STK40: variants seen among roughly 807,000 people sequenced by gnomAD.
STK40 encodes serine/threonine-protein kinase 40.
In STK40, 13 loss-of-function variants were observed where a neutral mutation model predicts 47.9. The observed-to-expected ratio is 0.27, with a 90% confidence interval of 0.18 to 0.43. The LOEUF (loss-of-function observed/expected upper bound fraction) is 0.43, where lower values mean the gene tolerates loss of function less well. STK40 is among the 20% of genes least tolerant of loss of function. The probability of loss-of-function intolerance (pLI) is 1.00; values close to 1 mark genes in which losing one functional copy is unlikely to be tolerated. For synonymous variants in STK40, 225 were observed against 243.2 expected, an observed-to-expected ratio of 0.93 and a Z score of 0.69; for missense variants, 460 against 595.1, an observed-to-expected ratio of 0.77 and a Z score of 2.36.
At position 36,358,843 on chromosome 1, in the gene STK40, G is replaced by A. The variant is rs570110053; in HGVS notation, c.113-21C>T. 5 of 1,613,916 alleles carry A rather than the reference G, an allele frequency of 3.1e-6. No homozygotes were observed. In the South Asian group the frequency reaches 4.4e-5, roughly 14 times the overall value. ...GGGACCTACGGCACAGAGAGCTGCT[G>A]GTCTACTTTTCAGAAGCCCTGGCTG... On this transcript the variant is annotated intron_variant, in intron 2 of 10. Transcript: ENST00000373132.
chr1:36,373,150 T>G (rs1356621659), intron 1 of STK40, among the ~76,000 whole-genome samples: 2 of 152,274 alleles, frequency 1.3e-5, no homozygotes, highest in Admixed American at 1.3e-4. Flanking sequence ...CTCAGTTTCC[T>G]CATCTGTAAA....
At chr1:36,372,840 T>A (rs969002112) in intron 1 of STK40, 1 of 152,088 alleles carries the variant, frequency 6.6e-6, no homozygotes, top group Admixed American at 6.6e-5. Flanking sequence ...ACAGGCAGCA[T>A]CCCCCACCCT....
At position 36,343,861 on chromosome 1, in the gene STK40, A is replaced by G. The variant is rs768686153; in HGVS notation, c.1003T>C (p.Trp335Arg). 2 of 1,589,460 alleles carry G rather than the reference A, an allele frequency of 1.3e-6. No homozygotes were observed. Among genetic ancestry groups the G allele is most frequent in the Admixed American group, 1.7e-5 (1 of 57,744 alleles). The change falls in exon 9 of 11, where the codon TGG becomes CGG. Residue 335 changes from tryptophan to arginine, a missense_variant and splice_region_variant. Transcript: ENST00000373132. Reference protein sequence around the residue: ...LEALSAIIASWQSLSSLSGPL... With the variant: ...LEALSAIIASRQSLSSLSGPL... ...CCGGTCAAGTGCCTGTCCACTTACC[A>G]TGATGCAATGATGGCACTGAGGGCC...
chr1:36,356,714 C>T (rs970172031), intron 4 of STK40, among the ~76,000 whole-genome samples: 5 of 152,118 alleles, frequency 3.3e-5, no homozygotes, highest in African/African-American at 1.2e-4. Context: ...CATAAGCTAC[C>T]TCGCCCGGCC....
chr1:36,366,410 C>G (rs187370000), intron 1 of STK40, among the ~76,000 whole-genome samples: 1 of 152,154 alleles, frequency 6.6e-6, no homozygotes, highest in Non-Finnish European at 1.5e-5. Context: ...TCCTGCCACC[C>G]CTTCATGCTA....
At chr1:36,348,232 A>G (rs1646721282) in intron 7 of STK40, among the ~76,000 whole-genome samples, 1 of 152,246 alleles carries the variant, frequency 6.6e-6, no homozygotes, top group Non-Finnish European at 1.5e-5. Flanking sequence ...ACTGAGGCCT[A>G]TGTCAGGCCT....
chr1:36,348,278 C>A lies in STK40; in HGVS notation c.739+422G>T, dbSNP rs574480682. Among the ~76,000 whole-genome samples the A allele has an allele frequency of 5.3e-5, 8 of 152,362 alleles. No individual in the cohort carries two copies. In the East Asian group the frequency reaches 1.4e-3, roughly 26 times the overall value. ...GGCCCCTGCGCACCTCTCTGGCTTCCCCTTGAACCAGGCTCACTTTCTGAG... is the reference window on the plus strand; with the variant it reads ...GGCCCCTGCGCACCTCTCTGGCTTCACCTTGAACCAGGCTCACTTTCTGAG... On this transcript the variant is annotated intron_variant, in intron 7 of 10. Transcript: ENST00000373132.
At chr1:36,380,958 T>C (rs1647034880) in intron 1 of STK40, among the ~76,000 whole-genome samples, 2 of 152,146 alleles carry the variant, frequency 1.3e-5, no homozygotes, top group South Asian at 4.1e-4. Context: ...GAGCCATCCC[T>C]ATCTCTGCAC....
chr1:36,345,598 C>T (rs1400200355), intron 7 of STK40, among the ~76,000 whole-genome samples: 2 of 152,162 alleles, frequency 1.3e-5, no homozygotes, highest in Admixed American at 6.5e-5. Flanking sequence ...TCAAGGACAG[C>T]CCCCTTTTCC....
At chr1:36,349,361 T>C (rs1034797686) in intron 6 of STK40, among the ~76,000 whole-genome samples, 7 of 152,210 alleles carry the variant, frequency 4.6e-5, no homozygotes, top group African/African-American at 1.7e-4. Context: ...AAACTGACAG[T>C]GGCCAATGAG....
At chr1:36,378,567 T>C (rs1349587729) in intron 1 of STK40, among the ~76,000 whole-genome samples, 2 of 151,998 alleles carry the variant, frequency 1.3e-5, no homozygotes, top group Admixed American at 6.6e-5. Context: ...CAAGCGATTC[T>C]CCTGCCTCAG....
At chr1:36,344,086 C>A in intron 8 of STK40, 34 bp downstream of exon 8, 1 of 1,600,016 alleles carries the variant, frequency 6.2e-7, no homozygotes, top group Non-Finnish European at 8.5e-7. Context: ...ATCAGGCTGG[C>A]TGCCCCCCCC....
At chr1:36,344,729 G>C (rs1341114684) in intron 7 of STK40, among the ~76,000 whole-genome samples, 1 of 152,218 alleles carries the variant, frequency 6.6e-6, no homozygotes, top group East Asian at 1.9e-4. Flanking sequence ...CCCTCTAGAA[G>C]GGAAGTTCTC....
chr1:36,357,429 C>T (rs1327017395), intron 4 of STK40, among the ~76,000 whole-genome samples: 4 of 152,146 alleles, frequency 2.6e-5, no homozygotes, highest in Non-Finnish European at 5.9e-5. Context: ...AGGAGGCCTC[C>T]CAGTCATTCT....
intron 2 of STK40, among the ~76,000 whole-genome samples, chr1:36,360,494 T>C (rs148941959): frequency 2.6e-5 from 4 of 151,904 alleles, no homozygotes; most frequent in East Asian, 1.9e-4. Flanking sequence ...CCTTGGATGA[T>C]AGATCTTGGG....
intron 1 of STK40, among the ~76,000 whole-genome samples, chr1:36,384,894 C>T (rs759978901): frequency 6.6e-6 from 1 of 152,236 alleles, no homozygotes; most frequent in Non-Finnish European, 1.5e-5. Context: ...GCCCAGTATG[C>T]CTACCCTCTT....
intron 1 of STK40, among the ~76,000 whole-genome samples, chr1:36,363,382 AC>A (rs1646870317): frequency 6.6e-6 from 1 of 151,990 alleles, no homozygotes; most frequent in Non-Finnish European, 1.5e-5. Flanking sequence ...CAAAACAAAA[AC>A]CCATTAACAT....
intron 1 of STK40, among the ~76,000 whole-genome samples, chr1:36,369,817 C>A (rs373969059): frequency 2.0e-4 from 31 of 152,330 alleles, no homozygotes; most frequent in African/African-American, 6.5e-4. Flanking sequence ...CACTGCCTGG[C>A]GCAAAGCTGG....
rs1646672311 is a variant in STK40 at position 36,343,439 on chromosome 1, C to T, written c.1014G>A (p.Leu338=). ...CTTGCAAAGGCCCACTCAGAGATGACAGGGACTGCCTGCAGGGAGGCAGAC... is the reference window on the plus strand; with the variant it reads ...CTTGCAAAGGCCCACTCAGAGATGATAGGGACTGCCTGCAGGGAGGCAGAC... ...LSAIIASWQS[L]SSLSGPLQVV... The change falls in exon 10 of 11, where the codon CTG becomes CTA. Residue 338 remains leucine, a synonymous_variant. Transcript: ENST00000373132. 1.2e-6 allele frequency: 2 copies of T among 1,613,128 alleles called. No homozygotes were observed. Among genetic ancestry groups the T allele is most frequent in the Non-Finnish European group, 1.7e-6 (2 of 1,179,518 alleles).
Sources: gnomAD v4.1 joint callset for allele counts (sites outside exome capture counted in the v4.1 genomes callset) on GRCh38, gnomAD v4.1.1 for gene constraint, MANE v1.5 for transcripts, NCBI Gene and HGNC (gene_info 2026-07-23, HGNC 2026-07-21) for gene names.